Variants in TMTC2 observed in about 807,000 individuals in gnomAD.
The protein encoded by TMTC2 is protein O-mannosyl-transferase TMTC2.
In TMTC2, 43 loss-of-function variants were observed where a neutral mutation model predicts 82.4. The ratio of observed to expected loss-of-function variants is 0.52; its 90% CI spans 0.41 to 0.67. The LOEUF (loss-of-function observed/expected upper bound fraction) is 0.67, where lower values mean the gene tolerates loss of function less well. TMTC2 is among the 30% of genes least tolerant of loss of function. The probability of loss-of-function intolerance (pLI) is 0.00; values close to 1 mark genes in which losing one functional copy is unlikely to be tolerated. For missense variants in TMTC2, 919 were observed against 1,012.4 expected, an observed-to-expected ratio of 0.91 and a Z score of 1.25; for synonymous variants, 408 against 381.9, an observed-to-expected ratio of 1.07 and a Z score of -0.80.
At chr12:82,814,354 A>G (rs533331835) in intron 1 of TMTC2, among the ~76,000 whole-genome samples, 12 of 152,302 alleles carry the variant, frequency 7.9e-5, no homozygotes, top group South Asian at 4.1e-4. Context: ...GATGGAAAAG[A>G]ACAAAGCTCC....
chr12:82,757,399 A>G (rs1378695929), intron 1 of TMTC2, among the ~76,000 whole-genome samples: 2 of 152,240 alleles, frequency 1.3e-5, no homozygotes, highest in African/African-American at 4.8e-5. Flanking sequence ...AATGCTTACA[A>G]AGAGTTTTTC....
intron 11 of TMTC2, among the ~76,000 whole-genome samples, chr12:83,129,920 C>T (rs1455246099): frequency 6.6e-6 from 1 of 152,122 alleles, no homozygotes; most frequent in African/African-American, 2.4e-5. Context: ...GACTCCATAA[C>T]CTCTGAGTGT....
chr12:82,811,728 T>G (rs1868400383), intron 1 of TMTC2, among the ~76,000 whole-genome samples: 1 of 151,794 alleles, frequency 6.6e-6, no homozygotes, highest in African/African-American at 2.4e-5. Context: ...TTTTTAATAT[T>G]AGATCCCTGC....
chr12:82,851,219 C>G (rs1174067957), intron 1 of TMTC2, among the ~76,000 whole-genome samples: 1 of 152,070 alleles, frequency 6.6e-6, no homozygotes, highest in East Asian at 1.9e-4. Context: ...CACCTGAGGT[C>G]AGGAGTTCGA....
intron 1 of TMTC2, among the ~76,000 whole-genome samples, chr12:82,695,531 A>C (rs747516391): frequency 6.6e-6 from 1 of 152,256 alleles, no homozygotes; most frequent in Non-Finnish European, 1.5e-5. Flanking sequence ...TGTGAAAAGT[A>C]AACATCTTGT....
intron 1 of TMTC2, among the ~76,000 whole-genome samples, chr12:82,823,803 T>A (rs1290097329): frequency 6.6e-6 from 1 of 152,104 alleles, no homozygotes; most frequent in African/African-American, 2.4e-5. Context: ...TACTTCTCTC[T>A]ACCCTCTGTT....
intron 1 of TMTC2, among the ~76,000 whole-genome samples, chr12:82,820,875 A>G (rs1869059129): frequency 6.6e-6 from 1 of 152,068 alleles, no homozygotes; most frequent in Non-Finnish European, 1.5e-5. Flanking sequence ...ATTTCAAAAA[A>G]TGAATTATGA....
intron 4 of TMTC2, among the ~76,000 whole-genome samples, chr12:82,946,963 C>G (rs533814271): frequency 2.6e-5 from 4 of 151,940 alleles, no homozygotes; most frequent in African/African-American, 9.7e-5. Context: ...AAGATGGTCT[C>G]GATCTCCTGA....
intron 2 of TMTC2, among the ~76,000 whole-genome samples, chr12:82,858,026 C>T (rs1424863198): frequency 6.6e-6 from 1 of 152,216 alleles, no homozygotes; most frequent in Non-Finnish European, 1.5e-5. Flanking sequence ...CTTTGGAAAA[C>T]AATCCTTCCC....
chr12:83,017,359 T>A (rs1489083300), intron 8 of TMTC2, among the ~76,000 whole-genome samples: 1 of 152,154 alleles, frequency 6.6e-6, no homozygotes, highest in Non-Finnish European at 1.5e-5. Flanking sequence ...ATTGAAACAG[T>A]GGGCATAGAC....
At chr12:82,875,329 T>C (rs1872429242) in intron 2 of TMTC2, among the ~76,000 whole-genome samples, 1 of 151,394 alleles carries the variant, frequency 6.6e-6, no homozygotes, top group Admixed American at 6.6e-5. Context: ...GTCATGAGGA[T>C]ATTAATCTTA....
intron 3 of TMTC2, among the ~76,000 whole-genome samples, chr12:82,905,719 C>A (rs534002432): frequency 6.6e-6 from 1 of 151,966 alleles, no homozygotes; most frequent in Non-Finnish European, 1.5e-5. Context: ...CCGAGGCGGG[C>A]GGATCACCTG....
chr12:82,906,773 AACTG>A (rs1397520954), intron 3 of TMTC2, among the ~76,000 whole-genome samples: 1 of 152,220 alleles, frequency 6.6e-6, no homozygotes, highest in Non-Finnish European at 1.5e-5. Flanking sequence ...ATTTTGTTGA[AACTG>A]ACTGGCCTGA....
chr12:82,725,511 T>C (rs1874406410), intron 1 of TMTC2, among the ~76,000 whole-genome samples: 2 of 152,194 alleles, frequency 1.3e-5, no homozygotes, highest in Non-Finnish European at 2.9e-5. Flanking sequence ...ATCCCAATTG[T>C]TAATGGTGCA....
chr12:83,013,883 T>G (rs1404374362), intron 8 of TMTC2, among the ~76,000 whole-genome samples: 1 of 152,192 alleles, frequency 6.6e-6, no homozygotes, highest in Non-Finnish European at 1.5e-5. Flanking sequence ...AATACATATT[T>G]CTAGGGCGAG....
chr12:83,109,280 A>G (rs981946437), intron 11 of TMTC2, among the ~76,000 whole-genome samples: 4 of 152,186 alleles, frequency 2.6e-5, no homozygotes, highest in Non-Finnish European at 5.9e-5. Context: ...GAGGTGCCAC[A>G]TACTTTTAAA....
intron 1 of TMTC2, among the ~76,000 whole-genome samples, chr12:82,843,373 C>A (rs1436481319): frequency 6.6e-6 from 1 of 152,068 alleles, no homozygotes; most frequent in Non-Finnish European, 1.5e-5. Context: ...AGGCGTGAGC[C>A]ACCATGCCCA....
intron 7 of TMTC2, among the ~76,000 whole-genome samples, chr12:82,981,738 T>A (rs116156673): frequency 0.018 from 2,753 of 151,960 alleles, 80 homozygotes; most frequent in African/African-American, 0.062. Flanking sequence ...CCCGACCAAG[T>A]GTCTTCGTTT....
intron 11 of TMTC2, among the ~76,000 whole-genome samples, chr12:83,104,166 G>A (rs190156572): frequency 6.6e-6 from 1 of 152,334 alleles, no homozygotes; most frequent in African/African-American, 2.4e-5. Flanking sequence ...CAGCCCCAGA[G>A]GCTGTTCTCA....
Sources: gnomAD v4.1 joint callset for allele counts (sites outside exome capture counted in the v4.1 genomes callset) on GRCh38, gnomAD v4.1.1 for gene constraint, MANE v1.5 for transcripts, NCBI Gene and HGNC (gene_info 2026-07-23, HGNC 2026-07-21) for gene names.